The following ANO10 variants were observed in gnomAD, a reference collection of about 807,000 sequenced individuals.
ANO10 encodes the protein anoctamin-10.
Under a neutral mutation model 74.7 loss-of-function variants are expected in ANO10, and 77 were observed. That is an observed-to-expected ratio of 1.03 (90% CI 0.86 to 1.25). The LOEUF is 1.25. Among genes scored for constraint, ANO10 ranks in the 50% most tolerant of loss-of-function variants. The pLI is 0.00. For missense variants in ANO10, 721 were observed against 778.1 expected (o/e 0.93, Z 0.87); for synonymous variants, 279 against 284.9 (o/e 0.98, Z 0.21).
At chr3:43,387,856 C>T (rs1424559665) in intron 12 of ANO10, among the ~76,000 whole-genome samples, 2 of 152,138 alleles carry the variant, frequency 1.3e-5, no homozygotes, top group Non-Finnish European at 2.9e-5. Flanking sequence ...CTGTGGTCCA[C>T]CCTGTGCTGG....
chr3:43,454,053 G>A (rs921589552), intron 11 of ANO10, among the ~76,000 whole-genome samples: 1 of 152,200 alleles, frequency 6.6e-6, no homozygotes, highest in African/African-American at 2.4e-5. Context: ...GGACTAAAAT[G>A]TAGACAGGAT....
At chr3:43,534,590 A>G (rs2078623242) in intron 11 of ANO10, among the ~76,000 whole-genome samples, 1 of 152,198 alleles carries the variant, frequency 6.6e-6, no homozygotes. Flanking sequence ...CCTGACTCAG[A>G]CAACACTCCT....
chr3:43,391,344 A>G (rs1245805914), intron 12 of ANO10, among the ~76,000 whole-genome samples: 1 of 150,796 alleles, frequency 6.6e-6, no homozygotes, highest in Non-Finnish European at 1.5e-5. Flanking sequence ...TATTCTGAGG[A>G]AAAAAACATA....
At chr3:43,488,745 T>C (rs59983802) in intron 11 of ANO10, among the ~76,000 whole-genome samples, 3,597 of 152,226 alleles carry the variant, frequency 0.024, 144 homozygotes, top group African/African-American at 0.081. Flanking sequence ...GTTCAACCAT[T>C]GTGGAAGTTG....
intron 11 of ANO10, among the ~76,000 whole-genome samples, chr3:43,538,760 G>A (rs985341359): frequency 6.6e-6 from 1 of 152,168 alleles, no homozygotes; most frequent in Admixed American, 6.5e-5. Context: ...ACGGCCTGCT[G>A]TCTACACACA....
intron 11 of ANO10, among the ~76,000 whole-genome samples, chr3:43,465,271 T>C (rs1350360158): frequency 6.6e-6 from 1 of 152,188 alleles, no homozygotes; most frequent in Admixed American, 6.5e-5. Flanking sequence ...TTTGTCATAG[T>C]GTAAACATCA....
chr3:43,629,430 T>C, intron 1 of ANO10, among the ~76,000 whole-genome samples: 1 of 152,220 alleles, frequency 6.6e-6, no homozygotes, highest in East Asian at 1.9e-4. Flanking sequence ...GGTTTCCTTA[T>C]TTAGCCTTTA....
intron 1 of ANO10, among the ~76,000 whole-genome samples, chr3:43,610,558 A>G (rs1293678997): frequency 6.6e-6 from 1 of 152,240 alleles, no homozygotes; most frequent in Non-Finnish European, 1.5e-5. Flanking sequence ...ACTGTGTTAC[A>G]CTACGATGTC....
intron 12 of ANO10, among the ~76,000 whole-genome samples, chr3:43,383,453 C>CAAAAA (rs1235535066): frequency 5.9e-5 from 3 of 50,872 alleles, no homozygotes; most frequent in African/African-American, 1.4e-4. Flanking sequence ...GACTCTGTCT[C>CAAAAA]AAAAAAAAAA....
At chr3:43,628,252 T>G (rs1455273128) in intron 1 of ANO10, among the ~76,000 whole-genome samples, 1 of 152,214 alleles carries the variant, frequency 6.6e-6, no homozygotes, top group African/African-American at 2.4e-5. Context: ...CATGGACATT[T>G]ATTAGTTCCC....
intron 11 of ANO10, among the ~76,000 whole-genome samples, chr3:43,510,058 G>A (rs899575885): frequency 2.0e-5 from 3 of 152,050 alleles, no homozygotes; most frequent in African/African-American, 7.2e-5. Flanking sequence ...GGTGGGTGAG[G>A]GGTCCCATGG....
chr3:43,620,080 A>G (rs2083310097), intron 1 of ANO10, among the ~76,000 whole-genome samples: 1 of 152,202 alleles, frequency 6.6e-6, no homozygotes, highest in Admixed American at 6.5e-5. Flanking sequence ...AAAAAGGCTT[A>G]GTACAGCTCT....
At chr3:43,631,367 G>A (rs762672472) in intron 1 of ANO10, among the ~76,000 whole-genome samples, 2 of 152,144 alleles carry the variant, frequency 1.3e-5, no homozygotes, top group Non-Finnish European at 2.9e-5. Context: ...ATATCTCCTT[G>A]TTTTGCAAAG....
chr3:43,575,656 G>A (rs908673958), intron 6 of ANO10, among the ~76,000 whole-genome samples: 5 of 149,662 alleles, frequency 3.3e-5, no homozygotes, highest in African/African-American at 1.2e-4. Flanking sequence ...TTTTTTTTGT[G>A]AGACGGAGTC....
intron 11 of ANO10, among the ~76,000 whole-genome samples, chr3:43,528,136 C>G (rs541521232): frequency 1.3e-5 from 2 of 151,590 alleles, no homozygotes; most frequent in East Asian, 3.9e-4. Flanking sequence ...AGTAAGCTAC[C>G]CAAAAACTCC....
chr3:43,691,492 C>G (rs1443244531), intron 1 of ANO10: 1 of 153,438 alleles, frequency 6.5e-6, no homozygotes, highest in East Asian at 1.9e-4. Context: ...AGCCTCCCAT[C>G]GCGGCTTCCG....
chr3:43,459,761 T>C (rs554771872), intron 11 of ANO10, among the ~76,000 whole-genome samples: 165 of 152,202 alleles, frequency 1.1e-3, no homozygotes, highest in South Asian at 2.1e-3. Context: ...GGCTCGCCCA[T>C]GGAAGGAGGG....
chr3:43,455,018 T>C (rs1045762344), intron 11 of ANO10, among the ~76,000 whole-genome samples: 2 of 151,978 alleles, frequency 1.3e-5, no homozygotes, highest in Middle Eastern at 3.2e-3. Flanking sequence ...AGCCCCTGAG[T>C]GTGGAGGTGT....
upstream of ANO10, among the ~76,000 whole-genome samples, chr3:43,624,346 T>C (rs954358446): frequency 2.6e-5 from 4 of 152,210 alleles, no homozygotes; most frequent in Non-Finnish European, 4.4e-5. Context: ...TTAAATCTCA[T>C]GCTGAATTGT....
Sources: gnomAD v4.1 joint callset for allele counts (sites outside exome capture counted in the v4.1 genomes callset) on GRCh38, gnomAD v4.1.1 for gene constraint, MANE v1.5 for transcripts, NCBI Gene and HGNC (gene_info 2026-07-23, HGNC 2026-07-21) for gene names.